Variants in KCNIP4 observed in about 807,000 individuals in gnomAD.
KCNIP4 encodes the protein potassium voltage-gated channel interacting protein 4, also known as Kv channel-interacting protein 4.
KCNIP4 carries 12 observed loss-of-function variants against 34.0 expected under a neutral mutation model. That is an observed-to-expected ratio of 0.35 (90% CI 0.23 to 0.57). KCNIP4 has a LOEUF of 0.57. Ranked by LOEUF, KCNIP4 falls within the 20% of genes least tolerant of loss-of-function variation. KCNIP4 has a pLI of 0.83. For missense variants in KCNIP4, 238 were observed against 311.7 expected, an observed-to-expected ratio of 0.76 and a Z score of 1.78; for synonymous variants, 124 against 102.2, an observed-to-expected ratio of 1.21 and a Z score of -1.29.
chr4:21,820,285 G>GTATATATA (rs869204752), intron 1 of KCNIP4, among the ~76,000 whole-genome samples: 8 of 20,632 alleles, frequency 3.9e-4, no homozygotes, highest in Admixed American at 7.4e-4. Flanking sequence ...GTGTGTGTGT[G>GTATATATA]TATATATATA....
chr4:21,098,560 G>C (rs1377663200), intron 1 of KCNIP4, among the ~76,000 whole-genome samples: 4 of 152,072 alleles, frequency 2.6e-5, no homozygotes, highest in Non-Finnish European at 2.9e-5. Flanking sequence ...AACAAAGCCT[G>C]AATAACAGTA....
In KCNIP4 at chr4:21,536,237, T is replaced by C. The variant is rs147747097; in HGVS notation, c.61+412334A>G. Among the ~76,000 whole-genome samples, 456 of 152,278 alleles carry C rather than the reference T, an allele frequency of 3.0e-3. 3 individuals are homozygous for C. Among genetic ancestry groups the C allele is most frequent in the African/African-American group, 0.01 (435 of 41,554 alleles). ...GGCCCAGCTGGTGTCCTGCTGAGGC[T>C]ACGTATTTGAGATTTTGCAAGCCAG... On this transcript the variant is annotated intron_variant, in intron 1 of 8. Transcript: ENST00000382152.
chr4:21,016,236 C>A (rs1018563315), intron 1 of KCNIP4, among the ~76,000 whole-genome samples: 24 of 151,036 alleles, frequency 1.6e-4, no homozygotes, highest in Admixed American at 1.3e-4. Flanking sequence ...TCCAAATATA[C>A]CCTTTTATTT....
At chr4:21,154,028 G>A (rs1752961740) in intron 1 of KCNIP4, among the ~76,000 whole-genome samples, 1 of 151,996 alleles carries the variant, frequency 6.6e-6, no homozygotes, top group Non-Finnish European at 1.5e-5. Context: ...TGACTGGCTT[G>A]CAGTACAAAA....
chr4:21,170,165 G>C (rs1031372494), intron 1 of KCNIP4, among the ~76,000 whole-genome samples: 1 of 152,078 alleles, frequency 6.6e-6, no homozygotes, highest in Non-Finnish European at 1.5e-5. Context: ...AAACTAGATA[G>C]TAGATTCCCC....
chr4:21,274,978 T>G (rs1387412956), intron 1 of KCNIP4, among the ~76,000 whole-genome samples: 1 of 152,176 alleles, frequency 6.6e-6, no homozygotes, highest in Non-Finnish European at 1.5e-5. Flanking sequence ...TAAAAGAAAT[T>G]GATCCTCTAA....
chr4:21,270,991 A>AAC (rs1762112785), intron 1 of KCNIP4, among the ~76,000 whole-genome samples: 1 of 151,600 alleles, frequency 6.6e-6, no homozygotes, highest in South Asian at 2.1e-4. Flanking sequence ...GTCCCCAAAA[A>AAC]AAAAAAAAAA....
At chr4:20,965,077 C>T (rs1331776622) in intron 1 of KCNIP4, among the ~76,000 whole-genome samples, 2 of 152,146 alleles carry the variant, frequency 1.3e-5, no homozygotes, top group African/African-American at 4.8e-5. Flanking sequence ...TAACTTTTAA[C>T]CTTCTGTTTG....
chr4:20,809,528 T>G (rs774629745), intron 3 of KCNIP4, among the ~76,000 whole-genome samples: 15 of 152,178 alleles, frequency 9.9e-5, no homozygotes, highest in Non-Finnish European at 1.6e-4. Context: ...TATTTCTTTC[T>G]GTGTGTCTCT....
intron 1 of KCNIP4, among the ~76,000 whole-genome samples, chr4:21,262,130 T>C (rs955995555): frequency 2.0e-5 from 3 of 152,202 alleles, no homozygotes; most frequent in Non-Finnish European, 2.9e-5. Flanking sequence ...TGACTTCCCA[T>C]AAACAGTTCC....
chr4:20,947,237 C>T (rs1732281452), intron 1 of KCNIP4, among the ~76,000 whole-genome samples: 1 of 152,136 alleles, frequency 6.6e-6, no homozygotes, highest in South Asian at 2.1e-4. Flanking sequence ...GGTGCCATCT[C>T]GGCTCACCAC....
chr4:20,790,006 G>T (rs577797164), intron 3 of KCNIP4, among the ~76,000 whole-genome samples: 11 of 152,020 alleles, frequency 7.2e-5, no homozygotes, highest in Non-Finnish European at 1.3e-4. Context: ...AGGTCATTAG[G>T]TGACTTCCAT....
chr4:20,906,096 TTCTC>T (rs1459196263), intron 1 of KCNIP4, among the ~76,000 whole-genome samples: 3 of 149,172 alleles, frequency 2.0e-5, no homozygotes, highest in African/African-American at 7.5e-5. Context: ...TTTCTTTTCT[TTCTC>T]TCTTTTTCTC....
intron 1 of KCNIP4, among the ~76,000 whole-genome samples, chr4:21,754,868 C>A (rs1225716766): frequency 1.3e-5 from 2 of 152,132 alleles, no homozygotes; most frequent in African/African-American, 2.4e-5. Flanking sequence ...TGCTTTTGGG[C>A]CGGGCACAGT....
At chr4:21,664,662 T>C (rs1285617285) in intron 1 of KCNIP4, among the ~76,000 whole-genome samples, 6 of 152,136 alleles carry the variant, frequency 3.9e-5, no homozygotes, top group Non-Finnish European at 8.8e-5. Context: ...GCAGTTTGCT[T>C]AATCTCCTGT....
At chr4:21,919,774 C>T (rs1167446133) in intron 1 of KCNIP4, among the ~76,000 whole-genome samples, 1 of 152,108 alleles carries the variant, frequency 6.6e-6, no homozygotes, top group Non-Finnish European at 1.5e-5. Flanking sequence ...CCTTTATTTT[C>T]TATACTTAGA....
chr4:21,073,950 T>C (rs1387753559), intron 1 of KCNIP4, among the ~76,000 whole-genome samples: 1 of 152,168 alleles, frequency 6.6e-6, no homozygotes, highest in Non-Finnish European at 1.5e-5. Flanking sequence ...TATTGATTTG[T>C]GTATGTTGAA....
At chr4:21,925,146 C>A (rs1729163951) in intron 1 of KCNIP4, among the ~76,000 whole-genome samples, 1 of 152,004 alleles carries the variant, frequency 6.6e-6, no homozygotes, top group Non-Finnish European at 1.5e-5. Flanking sequence ...AGGTTTGTTA[C>A]ATACGTATAC....
chr4:21,043,998 GC>G (rs1383197526), intron 1 of KCNIP4, among the ~76,000 whole-genome samples: 1 of 152,054 alleles, frequency 6.6e-6, no homozygotes, highest in African/African-American at 2.4e-5. Context: ...TGGGATTACA[GC>G]CCATGTCATA....
Sources: gnomAD v4.1 joint callset for allele counts (sites outside exome capture counted in the v4.1 genomes callset) on GRCh38, gnomAD v4.1.1 for gene constraint, MANE v1.5 for transcripts, NCBI Gene and HGNC (gene_info 2026-07-23, HGNC 2026-07-21) for gene names.